The following LUZP2 variants were observed in gnomAD, a reference collection of about 807,000 sequenced individuals.
LUZP2 encodes leucine zipper protein 2.
In LUZP2, 52 loss-of-function variants were observed where a neutral mutation model predicts 51.6. That is an observed-to-expected ratio of 1.01 (90% CI 0.81 to 1.27). The LOEUF is 1.27. Among genes scored for constraint, LUZP2 ranks in the 50% most tolerant of loss-of-function variants. The probability of loss-of-function intolerance (pLI) is 0.00; values close to 1 mark genes in which losing one functional copy is unlikely to be tolerated. For synonymous variants in LUZP2, 154 were observed against 137.3 expected, an observed-to-expected ratio of 1.12 and a Z score of -0.85; for missense variants, 436 against 395.4, an observed-to-expected ratio of 1.10 and a Z score of -0.87.
At chr11:24,761,786 C>T (rs1277117153) in intron 4 of LUZP2, among the ~76,000 whole-genome samples, 2 of 152,062 alleles carry the variant, frequency 1.3e-5, no homozygotes, top group Admixed American at 6.6e-5. Context: ...AAAATAAATA[C>T]AAATAAATCT....
At chr11:24,687,156 G>A (rs982357059) in intron 1 of LUZP2, among the ~76,000 whole-genome samples, 11 of 152,028 alleles carry the variant, frequency 7.2e-5, no homozygotes, top group African/African-American at 2.7e-4. Context: ...TGTAGTTTTA[G>A]GTCCCTAACA....
chr11:24,624,181 A>G (rs1013361324), intron 1 of LUZP2, among the ~76,000 whole-genome samples: 2 of 152,206 alleles, frequency 1.3e-5, no homozygotes, highest in African/African-American at 2.4e-5. Flanking sequence ...GAAAAATACT[A>G]ATCACAATGC....
At chr11:24,767,971 T>A (rs2631408) in intron 5 of LUZP2, among the ~76,000 whole-genome samples, 88,749 of 143,670 alleles carry the variant, frequency 0.62, 26,415 homozygotes, top group Non-Finnish European at 0.67. Flanking sequence ...TAGTATCATT[T>A]CTTTTTTTTT....
chr11:24,707,026 A>C (rs2133922259), intron 1 of LUZP2, among the ~76,000 whole-genome samples: 1 of 151,756 alleles, frequency 6.6e-6, no homozygotes, highest in African/African-American at 2.4e-5. Context: ...AGAAAGGAAA[A>C]AGAGAGATGA....
intron 1 of LUZP2, among the ~76,000 whole-genome samples, chr11:24,643,482 C>T (rs976919523): frequency 6.6e-6 from 1 of 152,048 alleles, no homozygotes; most frequent in Non-Finnish European, 1.5e-5. Context: ...AGGCTACTTA[C>T]CCCATGTAAC....
intron 5 of LUZP2, among the ~76,000 whole-genome samples, chr11:24,776,748 A>G (rs1848936890): frequency 6.6e-6 from 1 of 152,190 alleles, no homozygotes; most frequent in African/African-American, 2.4e-5. Flanking sequence ...GATACTCCAT[A>G]AAATGGCACT....
At chr11:24,623,717 G>A (rs932167546) in intron 1 of LUZP2, among the ~76,000 whole-genome samples, 2 of 152,044 alleles carry the variant, frequency 1.3e-5, no homozygotes, top group Admixed American at 6.5e-5. Context: ...AGTGGTGGCC[G>A]GTGCCTGTAG....
intron 1 of LUZP2, among the ~76,000 whole-genome samples, chr11:24,669,924 A>G (rs937486740): frequency 6.6e-6 from 1 of 152,084 alleles, no homozygotes; most frequent in Non-Finnish European, 1.5e-5. Flanking sequence ...ATGTCACTTC[A>G]AATAGCTAAT....
intron 9 of LUZP2, among the ~76,000 whole-genome samples, chr11:25,002,032 TC>T (rs1856696576): frequency 2.0e-5 from 3 of 152,328 alleles, no homozygotes; most frequent in South Asian, 4.1e-4. Context: ...TAATGGGGGT[TC>T]CCCCAGAGGT....
At chr11:24,559,014 G>A (rs535355114) in intron 1 of LUZP2, among the ~76,000 whole-genome samples, 148 of 152,212 alleles carry the variant, frequency 9.7e-4, no homozygotes, top group Non-Finnish European at 1.7e-3. Context: ...GAAGGAACAT[G>A]GTCGTAAAAG....
At chr11:24,602,372 G>C (rs1565021448) in intron 1 of LUZP2, among the ~76,000 whole-genome samples, 1 of 51,504 alleles carries the variant, frequency 1.9e-5, no homozygotes, top group African/African-American at 7.2e-5. Context: ...AAGTGTGTGT[G>C]TGTATATATA....
intron 5 of LUZP2, among the ~76,000 whole-genome samples, chr11:24,851,084 C>A (rs551398389): frequency 1.3e-5 from 2 of 152,286 alleles, no homozygotes; most frequent in South Asian, 4.1e-4. Context: ...TTCCTCTCCT[C>A]CTATTTGAAT....
chr11:24,621,668 C>A (rs1854499865), intron 1 of LUZP2, among the ~76,000 whole-genome samples: 1 of 152,056 alleles, frequency 6.6e-6, no homozygotes, highest in Admixed American at 6.6e-5. Context: ...TTATATTTTT[C>A]CTTAAGGTTT....
intron 5 of LUZP2, among the ~76,000 whole-genome samples, chr11:24,901,490 T>G (rs1306043710): frequency 6.6e-6 from 1 of 151,932 alleles, no homozygotes; most frequent in African/African-American, 2.4e-5. Flanking sequence ...GAGAAAAAAT[T>G]CTTCATGACT....
chr11:24,657,951 C>T (rs987992563), intron 1 of LUZP2, among the ~76,000 whole-genome samples: 3 of 152,180 alleles, frequency 2.0e-5, no homozygotes, highest in African/African-American at 7.2e-5. Flanking sequence ...AAGACCATTC[C>T]ATGCTCATGG....
chr11:24,859,977 C>A (rs1417647825), intron 5 of LUZP2, among the ~76,000 whole-genome samples: 1 of 152,194 alleles, frequency 6.6e-6, no homozygotes, highest in Non-Finnish European at 1.5e-5. Context: ...CAGCCACCTG[C>A]TGCCTAAGTC....
At chr11:24,802,564 ATGT>A (rs1266970399) in intron 5 of LUZP2, among the ~76,000 whole-genome samples, 1 of 151,930 alleles carries the variant, frequency 6.6e-6, no homozygotes, top group Non-Finnish European at 1.5e-5. Context: ...TATATTCATA[ATGT>A]TGTGAACCCA....
At chr11:24,832,669 A>G (rs1850735876) in intron 5 of LUZP2, among the ~76,000 whole-genome samples, 1 of 151,770 alleles carries the variant, frequency 6.6e-6, no homozygotes, top group Non-Finnish European at 1.5e-5. Flanking sequence ...ATACATATAT[A>G]TAAATGTAGT....
chr11:25,034,889 C>G (rs992660938), intron 9 of LUZP2, among the ~76,000 whole-genome samples: 3 of 151,958 alleles, frequency 2.0e-5, no homozygotes, highest in African/African-American at 4.8e-5. Context: ...GTTAGGATTG[C>G]TTTGGCTGTG....
Sources: gnomAD v4.1 joint callset for allele counts (sites outside exome capture counted in the v4.1 genomes callset) on GRCh38, gnomAD v4.1.1 for gene constraint, MANE v1.5 for transcripts, NCBI Gene and HGNC (gene_info 2026-07-23, HGNC 2026-07-21) for gene names.